The following ASTN1 variants were observed in gnomAD, a reference collection of about 807,000 sequenced individuals.
The protein encoded by ASTN1 is astrotactin-1.
Under a neutral mutation model 140.7 loss-of-function variants are expected in ASTN1, and 41 were observed. That is an observed-to-expected ratio of 0.29 (90% CI 0.23 to 0.38). The LOEUF is 0.38. Ranked by LOEUF, ASTN1 falls within the 10% of genes least tolerant of loss-of-function variation. The pLI is 1.00. For missense variants in ASTN1, 1,479 were observed against 1,678.8 expected (o/e 0.88, Z 2.08); for synonymous variants, 640 against 652.2 (o/e 0.98, Z 0.29).
chr1:176,861,724 G>A lies in ASTN1; in HGVS notation c.*2560C>T, dbSNP rs1667969445. On this transcript the variant is annotated 3_prime_UTR_variant, in exon 23 of 23. Transcript: ENST00000361833. ...TACATACATACACACATTCAGTGGG[G>A]AGAACTCAACGAGAAACAGGAGGAA... 1 of 985,420 alleles carries A rather than the reference G, an allele frequency of 1.0e-6. No individual in the cohort carries two copies. The highest frequency in any genetic ancestry group is 1.2e-6 in the Non-Finnish European group (1 of 829,966). The allele number at this position is 985,420 out of a possible 1,614,324, so 61.0% of individuals were successfully genotyped here.
chr1:177,087,743 C>A (rs1441633207), intron 1 of ASTN1, among the ~76,000 whole-genome samples: 1 of 152,204 alleles, frequency 6.6e-6, no homozygotes, highest in Non-Finnish European at 1.5e-5. Context: ...GCCCAAGGTG[C>A]TTGTGGGAGT....
downstream of ASTN1, among the ~76,000 whole-genome samples, chr1:176,858,764 C>T (rs574012096): frequency 1.3e-5 from 2 of 150,100 alleles, no homozygotes; most frequent in South Asian, 4.2e-4. Flanking sequence ...ACCACACTCT[C>T]TCTTATTGTC....
At chr1:177,091,953 C>T (rs1315825886) in intron 1 of ASTN1, among the ~76,000 whole-genome samples, 1 of 151,990 alleles carries the variant, frequency 6.6e-6, no homozygotes, top group African/African-American at 2.4e-5. Context: ...AATAATGCTA[C>T]TATAAAATTT....
intron 1 of ASTN1, among the ~76,000 whole-genome samples, chr1:177,080,024 T>C (rs1173428115): frequency 6.6e-6 from 1 of 152,200 alleles, no homozygotes; most frequent in Non-Finnish European, 1.5e-5. Flanking sequence ...TAAAGCACTG[T>C]TAAAATTCAA....
At chr1:176,983,994 G>A (rs1331498596) in intron 8 of ASTN1, among the ~76,000 whole-genome samples, 3 of 152,206 alleles carry the variant, frequency 2.0e-5, no homozygotes, top group African/African-American at 4.8e-5. Context: ...GATCCAGCCA[G>A]AGCCTAATCC....
chr1:176,984,777 A>G (rs1296407564), intron 8 of ASTN1, among the ~76,000 whole-genome samples: 4 of 152,300 alleles, frequency 2.6e-5, no homozygotes, highest in Middle Eastern at 6.8e-3. Flanking sequence ...TCCTTGCTAT[A>G]GTTATTAGCA....
intron 16 of ASTN1, among the ~76,000 whole-genome samples, chr1:176,907,122 A>G (rs1157660984): frequency 6.6e-6 from 1 of 152,144 alleles, no homozygotes; most frequent in African/African-American, 2.4e-5. Flanking sequence ...TTAAAGTTCT[A>G]TTATTGTATG....
At chr1:177,010,996 T>C (rs1432052417) in intron 8 of ASTN1, among the ~76,000 whole-genome samples, 1 of 151,960 alleles carries the variant, frequency 6.6e-6, no homozygotes, top group Non-Finnish European at 1.5e-5. Context: ...TGCTAGCGGG[T>C]CTAGTATGGG....
intron 9 of ASTN1, among the ~76,000 whole-genome samples, chr1:176,963,396 T>C (rs1300007817): frequency 6.6e-6 from 1 of 152,210 alleles, no homozygotes; most frequent in Non-Finnish European, 1.5e-5. Flanking sequence ...AAGTTCCTGG[T>C]ACCTAAAATA....
chr1:176,910,366 T>C (rs765737575), intron 16 of ASTN1, among the ~76,000 whole-genome samples: 1 of 152,190 alleles, frequency 6.6e-6, no homozygotes, highest in Non-Finnish European at 1.5e-5. Context: ...AAAAGTTTGT[T>C]GACAGCAGTG....
At chr1:177,076,923 G>C (rs927988565) in intron 1 of ASTN1, among the ~76,000 whole-genome samples, 1 of 152,150 alleles carries the variant, frequency 6.6e-6, no homozygotes, top group East Asian at 1.9e-4. Flanking sequence ...TAGAAAGAAA[G>C]TCTGTCATCA....
At chr1:177,113,818 G>A (rs1571803209) in intron 1 of ASTN1, among the ~76,000 whole-genome samples, 1 of 152,332 alleles carries the variant, frequency 6.6e-6, no homozygotes, top group East Asian at 1.9e-4. Context: ...TAGTTAATTA[G>A]TGGGTATGGA....
At chr1:177,121,817 A>T (rs1246121198) in intron 1 of ASTN1, among the ~76,000 whole-genome samples, 1 of 152,108 alleles carries the variant, frequency 6.6e-6, no homozygotes, top group Admixed American at 6.6e-5. Flanking sequence ...GAGAACCTAG[A>T]TGTGATCAGG....
chr1:177,109,633 A>G (rs750091404), intron 1 of ASTN1, among the ~76,000 whole-genome samples: 2 of 152,210 alleles, frequency 1.3e-5, no homozygotes, highest in Non-Finnish European at 2.9e-5. Flanking sequence ...GCTCTTTGTG[A>G]CTGGAAATTG....
intron 8 of ASTN1, among the ~76,000 whole-genome samples, chr1:177,006,950 G>A (rs1295116722): frequency 2.6e-5 from 4 of 152,162 alleles, no homozygotes; most frequent in Admixed American, 2.6e-4. Context: ...GACTTTCAGA[G>A]TATTATATGC....
chr1:176,996,867 C>T (rs1034262455), intron 8 of ASTN1, among the ~76,000 whole-genome samples: 2 of 152,136 alleles, frequency 1.3e-5, no homozygotes, highest in Non-Finnish European at 2.9e-5. Context: ...TACCACCCTC[C>T]CCTGCCCCAT....
intron 16 of ASTN1, among the ~76,000 whole-genome samples, chr1:176,919,799 A>G (rs1233368562): frequency 6.6e-6 from 1 of 152,278 alleles, no homozygotes; most frequent in East Asian, 1.9e-4. Context: ...GGAGGCACAT[A>G]TAAAGAGTGA....
At chr1:176,933,335 T>C (rs1371073846) in intron 16 of ASTN1, among the ~76,000 whole-genome samples, 2 of 152,228 alleles carry the variant, frequency 1.3e-5, no homozygotes, top group African/African-American at 4.8e-5. Flanking sequence ...AGTCTTAAGA[T>C]GGCCCATTTC....
chr1:176,877,336 A>T (rs1230916573), intron 20 of ASTN1, among the ~76,000 whole-genome samples: 1 of 152,172 alleles, frequency 6.6e-6, no homozygotes, highest in Non-Finnish European at 1.5e-5. Context: ...TTCCCTCTTT[A>T]AAGTGAGATG....
Sources: allele counts gnomAD v4.1 joint callset (sites outside exome capture counted in the v4.1 genomes callset), GRCh38; gene constraint gnomAD v4.1.1; transcripts MANE v1.5; gene names NCBI Gene and HGNC (gene_info 2026-07-23, HGNC 2026-07-21).